Variants in SYT7 observed in about 807,000 individuals in gnomAD.
SYT7 encodes synaptotagmin-7.
A neutral mutation model predicts 75.1 loss-of-function variants in SYT7; 29 were observed. The ratio of observed to expected loss-of-function variants is 0.39; its 90% CI spans 0.29 to 0.53. The LOEUF (loss-of-function observed/expected upper bound fraction) is 0.53. Among genes scored for constraint, SYT7 ranks in the 20% least tolerant of loss-of-function variants. The pLI is 0.77. For synonymous variants in SYT7, 376 were observed against 401.7 expected (o/e 0.94, Z 0.76); for missense variants, 693 against 953.2 (o/e 0.73, Z 3.59).
At position 61,551,272 on chromosome 11, in the gene SYT7, G is replaced by T; in HGVS notation, c.215+112C>A. ...GGTGTAGAGAGCATGGCATCGGGGT[G>T]TGGGGGAAGTGAAAGTGTGTGGTCA... On this transcript the variant is annotated intron_variant, in intron 3 of 12. Coordinates refer to ENST00000539008, the MANE Select transcript of SYT7 (RefSeq NM_001365809.2). The surrounding 1 kb of genome is among the most constrained non-coding windows in gnomAD (Gnocchi z 5.3). 1 of 1,010,190 alleles carries T rather than the reference G, an allele frequency of 9.9e-7. No homozygotes were observed. 62.6% of individuals were successfully genotyped at this position (1,010,190 alleles called of 1,614,324 possible). A position where few individuals can be genotyped will look rare whatever the true frequency, so the allele number is the denominator to read the frequency against.
In SYT7 at chr11:61,542,062, T is replaced by C; in HGVS notation, c.941+149A>G. The C allele has an allele frequency of 2.7e-6, 3 of 1,094,486 alleles. No homozygotes were observed. The highest frequency in any genetic ancestry group is 3.8e-6 in the Non-Finnish European group (3 of 797,206). 67.8% of individuals were successfully genotyped at this position (1,094,486 alleles called of 1,614,324 possible). A position where few individuals can be genotyped will look rare whatever the true frequency, so the allele number is the denominator to read the frequency against. ...CCTTCAGGCAGGAGCCACAAGAGGC[T>C]AAGGAGGGGGCTGCCAAGTCTGCTT... On this transcript the variant is annotated intron_variant, in intron 6 of 12. Coordinates refer to ENST00000539008, the MANE Select transcript of SYT7 (RefSeq NM_001365809.2). The surrounding 1 kb of genome is among the most constrained non-coding windows in gnomAD (Gnocchi z 7.8).
the SYT7 span, among the ~76,000 whole-genome samples, chr11:61,586,471 G>A: frequency 6.6e-6 from 1 of 152,174 alleles, no homozygotes; most frequent in African/African-American, 2.4e-5. Context: ...GTGACCCGGG[G>A]TCAGCCCCTC....
upstream of SYT7, among the ~76,000 whole-genome samples, chr11:61,582,982 C>A (rs2064314110): frequency 6.6e-6 from 1 of 152,124 alleles, no homozygotes; most frequent in African/African-American, 2.4e-5. Context: ...AAGCCCAGCA[C>A]TTTGGGATGA....
rs376919329 is a variant in SYT7 at position 61,520,537 on chromosome 11, T to C, written c.1957-1806A>G. On this transcript the variant is annotated intron_variant, in intron 12 of 12. Transcript: ENST00000539008. ...AGACTCTGTCTAAAAAAAAAAAAGA[T>C]AGGGAGGTCAGGCACGGTGGCTCCT... 2.8e-4 allele frequency among the ~76,000 whole-genome samples: 41 copies of C among 145,248 alleles called. 2 individuals are homozygous for C. In the East Asian group the frequency reaches 4.9e-3, roughly 17 times the overall value.
chr11:61,537,306 C>A (rs772662695), intron 7 of SYT7, among the ~76,000 whole-genome samples: 19 of 152,044 alleles, frequency 1.2e-4, no homozygotes, highest in Non-Finnish European at 2.1e-4. Context: ...CCTGGGACCT[C>A]CCACCCTACC....
In SYT7 at chr11:61,535,376, C is replaced by T. The variant is rs548303250; in HGVS notation, c.1065-2252G>A. Reference sequence around the variant, plus strand: ...AGCAATGGGGGTGGCCTGGTCCCCGCCTTGCCCTGTCCCCCACTTGGGGTG... The same window carrying T: ...AGCAATGGGGGTGGCCTGGTCCCCGTCTTGCCCTGTCCCCCACTTGGGGTG... On this transcript the variant is annotated intron_variant, in intron 7 of 12. Transcript: ENST00000539008. Among the ~76,000 whole-genome samples, 52 of 152,348 alleles carry T rather than the reference C, an allele frequency of 3.4e-4. No homozygotes were observed. In the South Asian group the frequency reaches 0.01, roughly 30 times the overall value.
At chr11:61,560,629 C>T (rs1012656058) in intron 1 of SYT7, among the ~76,000 whole-genome samples, 71 of 152,172 alleles carry the variant, frequency 4.7e-4, no homozygotes, top group African/African-American at 1.6e-3. Flanking sequence ...ATGATGTCCT[C>T]GGCCAGCATG....
At chr11:61,528,411 A>G (rs1255203347) in intron 8 of SYT7, among the ~76,000 whole-genome samples, 1 of 152,016 alleles carries the variant, frequency 6.6e-6, no homozygotes, top group East Asian at 1.9e-4. Flanking sequence ...TGAACCTCAG[A>G]GTGGTATGCA....
chr11:61,549,587 G>A (rs895590667), intron 3 of SYT7, among the ~76,000 whole-genome samples: 1 of 152,212 alleles, frequency 6.6e-6, no homozygotes, highest in African/African-American at 2.4e-5. Flanking sequence ...AGGAGGCTCC[G>A]CCACCTGTGA....
chr11:61,587,925 G>T, the SYT7 span, among the ~76,000 whole-genome samples: 1 of 152,224 alleles, frequency 6.6e-6, no homozygotes, highest in Non-Finnish European at 1.5e-5. Flanking sequence ...TACACAGATG[G>T]GGGGGCGGGG....
chr11:61,556,077 C>A, intron 2 of SYT7, 27 bp downstream of exon 2: 1 of 1,598,794 alleles, frequency 6.3e-7, no homozygotes, highest in Non-Finnish European at 8.6e-7. Flanking sequence ...TAGGCACCAC[C>A]CTCCAAGGGG....
At position 61,551,259 on chromosome 11, in the gene SYT7, A is replaced by G; in HGVS notation, c.215+125T>C. Reference sequence around the variant, plus strand: ...GGGGTGTGTGGAGGGTGTAGAGAGCATGGCATCGGGGTGTGGGGGAAGTGA... The same window carrying G: ...GGGGTGTGTGGAGGGTGTAGAGAGCGTGGCATCGGGGTGTGGGGGAAGTGA... On this transcript the variant is annotated intron_variant, in intron 3 of 12. Coordinates refer to ENST00000539008, the MANE Select transcript of SYT7 (RefSeq NM_001365809.2). This position sits in a 1 kb window ranked among gnomAD's most constrained non-coding sequence, Gnocchi z 5.3. 1 of 901,704 alleles carries G rather than the reference A, an allele frequency of 1.1e-6. No homozygotes were observed. The highest frequency in any genetic ancestry group is 2.0e-5 in the Admixed American group (1 of 50,122). 55.9% of individuals were successfully genotyped at this position (901,704 alleles called of 1,614,324 possible).
At chr11:61,520,972 T>C (rs1002067262) in intron 12 of SYT7, among the ~76,000 whole-genome samples, 3 of 152,182 alleles carry the variant, frequency 2.0e-5, no homozygotes, top group African/African-American at 4.8e-5. Flanking sequence ...GGATGGTGCA[T>C]GTCATGTGCT....
At chr11:61,554,748 A>G (rs2063447877) in intron 2 of SYT7, among the ~76,000 whole-genome samples, 2 of 152,198 alleles carry the variant, frequency 1.3e-5, no homozygotes, top group Non-Finnish European at 2.9e-5. Context: ...AGACGCAGAC[A>G]CAGGGGACCC....
chr11:61,557,304 C>A (rs1023906322), intron 1 of SYT7, among the ~76,000 whole-genome samples: 3 of 152,182 alleles, frequency 2.0e-5, no homozygotes, highest in African/African-American at 7.2e-5. Context: ...TACAGAGGAG[C>A]CTGCGTGGGC....
chr11:61,527,766 T>C (rs2062566540), intron 9 of SYT7, 149 bp downstream of exon 9: 1 of 934,106 alleles, frequency 1.1e-6, no homozygotes, highest in South Asian at 1.5e-5. Context: ...CACATAAGTG[T>C]ATCTGCTTGC....
Position 61,524,723 on chromosome 11 carries a change from G to A in SYT7, c.1472-191C>T, listed in dbSNP as rs1483788828. On this transcript the variant is annotated intron_variant, in intron 9 of 12. Coordinates refer to ENST00000539008, the MANE Select transcript of SYT7 (RefSeq NM_001365809.2). The surrounding 1 kb of genome is among the most constrained non-coding windows in gnomAD (Gnocchi z 4.1). Reference sequence around the variant, plus strand: ...AGCAAGAACTGTCACCGTCTCATGGGATTCCCTCAACAATTCTCCAAGGTG... The same window carrying A: ...AGCAAGAACTGTCACCGTCTCATGGAATTCCCTCAACAATTCTCCAAGGTG... 1 of 542,926 alleles carries A rather than the reference G, an allele frequency of 1.8e-6. No homozygotes were observed. 33.6% of individuals were successfully genotyped at this position (542,926 alleles called of 1,614,324 possible).
the SYT7 span, among the ~76,000 whole-genome samples, chr11:61,588,179 A>G: frequency 6.6e-6 from 1 of 152,112 alleles, no homozygotes; most frequent in Admixed American, 6.5e-5. Context: ...TCCCTCACCA[A>G]GGCCTCTGGG....
chr11:61,573,965 A>G (rs1193395934), intron 1 of SYT7, among the ~76,000 whole-genome samples: 1 of 152,250 alleles, frequency 6.6e-6, no homozygotes, highest in Non-Finnish European at 1.5e-5. Context: ...GCGCTAACGC[A>G]TGTTATGTGC....
Sources: allele counts gnomAD v4.1 joint callset (sites outside exome capture counted in the v4.1 genomes callset), GRCh38; gene constraint gnomAD v4.1.1; non-coding constraint Gnocchi (gnomAD v3.1); transcripts MANE v1.5; gene names NCBI Gene and HGNC (gene_info 2026-07-23, HGNC 2026-07-21).